Variants in CNTN4 observed in about 807,000 individuals in gnomAD.
The protein encoded by CNTN4 is contactin-4.
In CNTN4, 77 loss-of-function variants were observed where a neutral mutation model predicts 122.5. That is an observed-to-expected ratio of 0.63 (90% CI 0.52 to 0.76). The LOEUF is 0.76. Among genes scored for constraint, CNTN4 ranks in the 30% least tolerant of loss-of-function variants. The pLI, the probability that CNTN4 is intolerant of heterozygous loss-of-function variation, is 0.00. For synonymous variants in CNTN4, 512 were observed against 447.0 expected (o/e 1.15, Z -1.83); for missense variants, 1,256 against 1,259.1 (o/e 1.00, Z 0.04).
intron 4 of CNTN4, among the ~76,000 whole-genome samples, chr3:2,615,580 T>TA (rs34469454): frequency 6.6e-6 from 1 of 151,798 alleles, no homozygotes. Flanking sequence ...TATTTCACTC[T>TA]AAAAAAAAAC....
chr3:2,312,393 CATAAAAGTCAAGTAAATTGCATTT>C (rs2042946765), intron 2 of CNTN4, among the ~76,000 whole-genome samples: 1 of 152,090 alleles, frequency 6.6e-6, no homozygotes, highest in Non-Finnish European at 1.5e-5. Context: ...TGACATACAG[CATAAAAGTCAAGTAAATTGCATTT>C]ATTTTTGCTG....
chr3:2,408,671 ACCTAT>A (rs1404268118), intron 3 of CNTN4, among the ~76,000 whole-genome samples: 1 of 152,188 alleles, frequency 6.6e-6, no homozygotes, highest in Non-Finnish European at 1.5e-5. Context: ...AGCAGAAGTG[ACCTAT>A]CAATATGTGC....
intron 3 of CNTN4, among the ~76,000 whole-genome samples, chr3:2,352,683 C>G (rs886286020): frequency 1.3e-4 from 20 of 152,194 alleles, no homozygotes; most frequent in African/African-American, 4.8e-4. Flanking sequence ...ACGGTGGGCT[C>G]CGGCATGGCT....
chr3:2,939,221 C>G (rs905534316), intron 13 of CNTN4, among the ~76,000 whole-genome samples: 2 of 152,098 alleles, frequency 1.3e-5, no homozygotes, highest in Non-Finnish European at 2.9e-5. Context: ...TCCCTTTTGC[C>G]AAATGATCTA....
chr3:2,560,362 G>A (rs1456359973), intron 3 of CNTN4, among the ~76,000 whole-genome samples: 1 of 151,918 alleles, frequency 6.6e-6, no homozygotes, highest in Non-Finnish European at 1.5e-5. Context: ...GGCTGGTCTC[G>A]AATTTCTGGG....
At chr3:2,703,510 A>G (rs2086475094) in intron 4 of CNTN4, among the ~76,000 whole-genome samples, 1 of 152,198 alleles carries the variant, frequency 6.6e-6, no homozygotes, top group Admixed American at 6.5e-5. Context: ...TGCCCATGTG[A>G]AACAATCATA....
rs780448288 is a variant in CNTN4 at position 2,736,326 on chromosome 3, C to G, written c.167C>G (p.Pro56Arg). ...VKLNCEVKGN[P>R]KPHIRWKLNG... Reference sequence around the variant, plus strand: ...CTCAATTGTGAAGTTAAAGGAAATCCAAAACCTCATATCAGGTTTGTTGAT... The same window carrying G: ...CTCAATTGTGAAGTTAAAGGAAATCGAAAACCTCATATCAGGTTTGTTGAT... Residue 56 changes from proline (P) to arginine (R), a missense_variant, in exon 5 of 25, where the codon CCA becomes CGA. Pro to Arg is a moderately radical substitution (Grantham distance 103, BLOSUM62 -2). Coordinates refer to ENST00000418658, the MANE Select transcript of CNTN4 (RefSeq NM_175607.3). 6.2e-7 allele frequency: 1 copy of G among 1,613,686 alleles called. No homozygotes were observed. Among genetic ancestry groups the G allele is most frequent in the Non-Finnish European group, 8.5e-7 (1 of 1,179,766 alleles).
At chr3:2,497,862 T>G (rs2151719693) in intron 3 of CNTN4, among the ~76,000 whole-genome samples, 2 of 152,324 alleles carry the variant, frequency 1.3e-5, no homozygotes, top group Middle Eastern at 6.8e-3. Context: ...CATGTTTGTC[T>G]AGCTCTTCAA....
intron 13 of CNTN4, among the ~76,000 whole-genome samples, chr3:2,984,677 C>G (rs996477872): frequency 6.6e-6 from 1 of 152,168 alleles, no homozygotes; most frequent in Admixed American, 6.5e-5. Context: ...GAGTTTGATA[C>G]AGGCGATGGC....
chr3:2,788,811 G>T (rs896571743), intron 6 of CNTN4, among the ~76,000 whole-genome samples: 1 of 151,950 alleles, frequency 6.6e-6, no homozygotes, highest in African/African-American at 2.4e-5. Flanking sequence ...GACACCCCAG[G>T]GCCTGCAGGA....
At chr3:2,726,470 A>G (rs2088231438) in intron 4 of CNTN4, among the ~76,000 whole-genome samples, 1 of 152,240 alleles carries the variant, frequency 6.6e-6, no homozygotes, top group Non-Finnish European at 1.5e-5. Flanking sequence ...AAGAAAGAGT[A>G]GAATGCTCTT....
intron 7 of CNTN4, among the ~76,000 whole-genome samples, chr3:2,848,496 C>T (rs2093493319): frequency 6.6e-6 from 1 of 152,136 alleles, no homozygotes; most frequent in Admixed American, 6.5e-5. Context: ...CTCTTCAGTG[C>T]TATGTCTGTT....
At chr3:2,470,097 G>C (rs2075633608) in intron 3 of CNTN4, among the ~76,000 whole-genome samples, 2 of 150,506 alleles carry the variant, frequency 1.3e-5, no homozygotes, top group African/African-American at 4.9e-5. Context: ...ACAGGGTCTC[G>C]CTCTCTCGCC....
intron 2 of CNTN4, among the ~76,000 whole-genome samples, chr3:2,249,748 G>C (rs1276616255): frequency 1.3e-5 from 2 of 151,914 alleles, no homozygotes; most frequent in Non-Finnish European, 2.9e-5. Context: ...GTGGGTAATG[G>C]TTGTCCCATT....
chr3:2,193,010 G>C (rs2037657705), intron 2 of CNTN4, among the ~76,000 whole-genome samples: 1 of 152,040 alleles, frequency 6.6e-6, no homozygotes, highest in South Asian at 2.1e-4. Flanking sequence ...CCCTCTCTCT[G>C]ATTTCCTTAT....
At chr3:2,969,444 A>G (rs1437744613) in intron 13 of CNTN4, among the ~76,000 whole-genome samples, 1 of 152,184 alleles carries the variant, frequency 6.6e-6, no homozygotes, top group African/African-American at 2.4e-5. Context: ...CAGCAGCCAG[A>G]GAATGGTGTT....
At chr3:2,405,025 C>T (rs978953370) in intron 3 of CNTN4, among the ~76,000 whole-genome samples, 6 of 152,242 alleles carry the variant, frequency 3.9e-5, no homozygotes, top group Non-Finnish European at 7.4e-5. Context: ...GTGTAAAGTA[C>T]GTCTGCTAGT....
chr3:2,377,591 G>A (rs571841871), intron 3 of CNTN4, among the ~76,000 whole-genome samples: 1 of 152,292 alleles, frequency 6.6e-6, no homozygotes, highest in African/African-American at 2.4e-5. Context: ...AGCTGTGAGA[G>A]AGAGAGAGCT....
intron 3 of CNTN4, among the ~76,000 whole-genome samples, chr3:2,547,125 C>T (rs1237781603): frequency 2.0e-5 from 3 of 151,916 alleles, no homozygotes; most frequent in African/African-American, 7.2e-5. Context: ...AGCAAAAACT[C>T]CAGGTCTTCA....
Sources: gnomAD v4.1 joint callset for allele counts (sites outside exome capture counted in the v4.1 genomes callset) on GRCh38, gnomAD v4.1.1 for gene constraint, MANE v1.5 for transcripts, NCBI Gene and HGNC (gene_info 2026-07-23, HGNC 2026-07-21) for gene names.